Variants in SLC27A4 observed in about 807,000 individuals in gnomAD.
The protein encoded by SLC27A4 is solute carrier family 27 member 4, also known as long-chain fatty acid transport protein 4.
Under a neutral mutation model 64.4 loss-of-function variants are expected in SLC27A4, and 33 were observed. That is an observed-to-expected ratio of 0.51 (90% CI 0.39 to 0.68). The LOEUF is 0.68. Ranked by LOEUF, SLC27A4 falls within the 30% of genes least tolerant of loss-of-function variation. The pLI, the probability that SLC27A4 is intolerant of heterozygous loss-of-function variation, is 0.00. For synonymous variants in SLC27A4, 377 were observed against 370.0 expected (o/e 1.02, Z -0.22); for missense variants, 824 against 883.5 (o/e 0.93, Z 0.85).
At chr9:128,350,274 A>T (rs1320178957) in intron 4 of SLC27A4, 38 bp from the exon 5 acceptor site, 1 of 1,591,600 alleles carries the variant, frequency 6.3e-7, no homozygotes, top group South Asian at 1.1e-5. Context: ...CCCAGCCCTG[A>T]GCTGCCCCCG....
Position 128,353,610 on chromosome 9 carries a change from G to C in SLC27A4, c.1324+69G>C. ...GGAAGGAGGCCAGGCGCGTGTGGATGGGGAGCCTTGTTCTGACCAGTGGCC... is the reference window on the plus strand; with the variant it reads ...GGAAGGAGGCCAGGCGCGTGTGGATCGGGAGCCTTGTTCTGACCAGTGGCC... On this transcript the variant is annotated intron_variant, in intron 9 of 12. Transcript: ENST00000300456. This position sits in a 1 kb window ranked among gnomAD's most constrained non-coding sequence, Gnocchi z 4.9. 2 of 1,559,906 alleles carry C rather than the reference G, an allele frequency of 1.3e-6. No homozygotes were observed. Among genetic ancestry groups the C allele is most frequent in the South Asian group, 2.3e-5 (2 of 86,474 alleles).
intron 1 of SLC27A4, chr9:128,342,297 G>A (rs1439218058): frequency 6.2e-7 from 1 of 1,611,724 alleles, no homozygotes; most frequent in Middle Eastern, 2.2e-4. Flanking sequence ...AGAAGACAGA[G>A]ATGCAAGAGA....
intron 12 of SLC27A4, among the ~76,000 whole-genome samples, chr9:128,359,317 C>T (rs539961229): frequency 1.2e-4 from 19 of 152,096 alleles, no homozygotes; most frequent in Non-Finnish European, 2.6e-4. Context: ...GGCGAAACCC[C>T]ATCTCTACAA....
chr9:128,340,911 C>T (rs1467593078), intron 1 of SLC27A4, 73 bp downstream of exon 1: 7 of 523,982 alleles, frequency 1.3e-5, no homozygotes, highest in Middle Eastern at 5.0e-4. Context: ...GGTGGCGGTG[C>T]GGACCCCAGG....
rs758945421 is a variant in SLC27A4, at chr9:128,353,225, C to T, written c.1188C>T (p.Phe396=). 14 of 1,613,866 alleles carry T rather than the reference C, an allele frequency of 8.7e-6. No homozygotes were observed. Among genetic ancestry groups the T allele is most frequent in the South Asian group, 2.2e-5 (2 of 91,076 alleles). ...AGTGCAACTGTAGCCTGGGCAACTT[C>T]GACAGCCAGGTGCGGCCAGGTTGGG... ...ATECNCSLGN[F]DSQVGACGFN... Residue 396 remains phenylalanine (F), a synonymous_variant, in exon 8 of 13, where the codon TTC becomes TTT. Transcript: ENST00000300456. This position sits in a 1 kb window ranked among gnomAD's most constrained non-coding sequence, Gnocchi z 4.9.
chr9:128,358,453 T>C (rs1832851198), intron 12 of SLC27A4, among the ~76,000 whole-genome samples: 1 of 152,202 alleles, frequency 6.6e-6, no homozygotes, highest in Non-Finnish European at 1.5e-5. Context: ...TAAATTTATT[T>C]ATTTATTTGA....
rs991052956 is a variant in SLC27A4, at chr9:128,358,294, C to T, written c.1775-2040C>T. ...CACTGTCCAACAGAACTTTCTGCAG[C>T]GATGGAAATGTTCTAGGTTTCTGCT... On this transcript the variant is annotated intron_variant, in intron 12 of 12. Coordinates refer to ENST00000300456, the MANE Select transcript of SLC27A4 (RefSeq NM_005094.4). Among the ~76,000 whole-genome samples, 9 of 152,304 alleles carry T rather than the reference C, an allele frequency of 5.9e-5. No homozygotes were observed. The South Asian group carries it at 1.0e-3, about 18-fold the overall frequency.
At chr9:128,356,937 C>A (rs1832828294) in intron 12 of SLC27A4, among the ~76,000 whole-genome samples, 1 of 151,708 alleles carries the variant, frequency 6.6e-6, no homozygotes, top group Admixed American at 6.6e-5. Flanking sequence ...ACCAAAAATA[C>A]AAAAAAATTA....
chr9:128,354,307 C>G (rs1441630112), intron 9 of SLC27A4, among the ~76,000 whole-genome samples: 1 of 152,104 alleles, frequency 6.6e-6, no homozygotes, highest in Non-Finnish European at 1.5e-5. Context: ...GAGATTTATT[C>G]TGGCTCAGCT....
In SLC27A4 at chr9:128,353,951, G is replaced by T. The variant is rs2131267024; in HGVS notation, c.1324+410G>T. Among the ~76,000 whole-genome samples, 1 of 150,946 alleles carries T rather than the reference G, an allele frequency of 6.6e-6. No homozygotes were observed. The highest frequency in any genetic ancestry group is 2.0e-4 in the East Asian group (1 of 5,128). The stretch of plus-strand genomic sequence containing the variant: ...GTAGAGACGGGGTTTCACCGTTTTA[G>T]CCGGGATGGTCTCGATCTCCTGACC... On this transcript the variant is annotated intron_variant, in intron 9 of 12. Coordinates refer to ENST00000300456, the MANE Select transcript of SLC27A4 (RefSeq NM_005094.4). The surrounding 1 kb of genome is among the most constrained non-coding windows in gnomAD (Gnocchi z 4.9).
chr9:128,356,272 C>T lies in SLC27A4; in HGVS notation c.1774+476C>T, dbSNP rs563466591. 2.0e-5 allele frequency among the ~76,000 whole-genome samples: 3 copies of T among 152,282 alleles called. No individual in the cohort carries two copies. The East Asian group carries it at 5.8e-4, about 29-fold the overall frequency. ...GCTGAGACCTGAATGAAAGGAAGGA[C>T]TTTATGGCGGTGGGAGGCACTCTAG... On this transcript the variant is annotated intron_variant, in intron 12 of 12. Coordinates refer to ENST00000300456, the MANE Select transcript of SLC27A4 (RefSeq NM_005094.4).
rs772808266 is a variant in SLC27A4 at position 128,345,729 on chromosome 9, G to A, written c.556+180G>A. On this transcript the variant is annotated intron_variant, in intron 3 of 12. Coordinates refer to ENST00000300456, the MANE Select transcript of SLC27A4 (RefSeq NM_005094.4). The surrounding 1 kb of genome is among the most constrained non-coding windows in gnomAD (Gnocchi z 4.1). ...CTGGGGAAGGGACTGATTTCTCTGAGCCTCAGTTTCCTCATCCGTCGTTCC... is the reference window on the plus strand; with the variant it reads ...CTGGGGAAGGGACTGATTTCTCTGAACCTCAGTTTCCTCATCCGTCGTTCC... Among the ~76,000 whole-genome samples the A allele has an allele frequency of 6.6e-6, 1 of 152,200 alleles. No individual in the cohort carries two copies. Among genetic ancestry groups the A allele is most frequent in the Non-Finnish European group, 1.5e-5 (1 of 68,026 alleles).
chr9:128,341,154 T>C (rs1832565403), intron 1 of SLC27A4, among the ~76,000 whole-genome samples: 1 of 152,198 alleles, frequency 6.6e-6, no homozygotes, highest in African/African-American at 2.4e-5. Flanking sequence ...TTGAGGACTC[T>C]GGTTCAGTTC....
intron 4 of SLC27A4, among the ~76,000 whole-genome samples, chr9:128,349,394 C>G (rs1255530895): frequency 1.3e-5 from 2 of 152,142 alleles, no homozygotes; most frequent in East Asian, 3.9e-4. Context: ...AGCCATAAAA[C>G]TGGGGACAGT....
rs746552329 is a variant in SLC27A4, at chr9:128,353,001, G to T, written c.988-24G>T. 2 of 1,600,812 alleles carry T rather than the reference G, an allele frequency of 1.2e-6. No individual in the cohort carries two copies. Among genetic ancestry groups the T allele is most frequent in the South Asian group, 2.2e-5 (2 of 89,746 alleles). On this transcript the variant is annotated intron_variant, in intron 7 of 12. Transcript: ENST00000300456. This position sits in a 1 kb window ranked among gnomAD's most constrained non-coding sequence, Gnocchi z 4.9. ...TAGTGAGGGCAGCCTCTGGAGCCTC[G>T]AATCACACCAAGTTCACCCCCAGAT...
At chr9:128,344,794 T>G (rs996663588) in intron 2 of SLC27A4, among the ~76,000 whole-genome samples, 3 of 152,112 alleles carry the variant, frequency 2.0e-5, no homozygotes, top group Non-Finnish European at 4.4e-5. Flanking sequence ...TCTGGAGACC[T>G]AGGAGGTTTC....
chr9:128,343,261 G>T lies in SLC27A4; in HGVS notation c.129G>T (p.Arg43=). 6.2e-7 allele frequency: 1 copy of T among 1,614,118 alleles called. No individual in the cohort carries two copies. The highest frequency in any genetic ancestry group is 8.5e-7 in the Non-Finnish European group (1 of 1,180,026). The change falls in exon 2 of 13, where the codon CGG becomes CGT. Residue 43 remains arginine (R), a synonymous_variant. Transcript: ENST00000300456. ...GATCTGGCGGCTGGCGCTTCATCCG[G>T]GTCTTCATCAAGACCATCAGGCGCG... is the stretch of plus-strand genomic sequence containing the variant. ...YLGSGGWRFI[R]VFIKTIRRDI...
chr9:128,357,261 CAAAAA>C lies in SLC27A4; in HGVS notation c.1774+1482_1774+1486del, dbSNP rs1007585471. Among the ~76,000 whole-genome samples the C allele has an allele frequency of 7.8e-5, 4 of 50,958 alleles. No homozygotes were observed. In the South Asian group the frequency reaches 2.2e-3, roughly 27 times the overall value. 33.4% of individuals were successfully genotyped at this position (50,958 alleles called of 152,430 possible). ...TGGGAGACAGAGTGAGACTCTGTCTCAAAAAAAAAAAAAAAAAAAAATTAGCCGGG... is the reference window on the plus strand; with the variant it reads ...TGGGAGACAGAGTGAGACTCTGTCTCAAAAAAAAAAAAAAAATTAGCCGGG... On this transcript the variant is annotated intron_variant, in intron 12 of 12. Transcript: ENST00000300456.
In SLC27A4 at chr9:128,353,782, C is replaced by T. The variant is rs374027876; in HGVS notation, c.1324+241C>T. 0.097 allele frequency among the ~76,000 whole-genome samples: 11,128 copies of T among 115,084 alleles called. 19 individuals are homozygous for T. The highest frequency in any genetic ancestry group is 0.34 in the African/African-American group (6,697 of 19,886). 75.5% of individuals were successfully genotyped at this position (115,084 alleles called of 152,430 possible). ...TATTTGAGACGGAGTCTCGCTCTGT[C>T]GCCCAGGCTGGAGTGCAGTGGCGGG... On this transcript the variant is annotated intron_variant, in intron 9 of 12. Coordinates refer to ENST00000300456, the MANE Select transcript of SLC27A4 (RefSeq NM_005094.4). The surrounding 1 kb of genome is among the most constrained non-coding windows in gnomAD (Gnocchi z 4.9).
Sources: gnomAD v4.1 joint callset for allele counts (sites outside exome capture counted in the v4.1 genomes callset) on GRCh38, gnomAD v4.1.1 for gene constraint, Gnocchi (gnomAD v3.1) non-coding constraint, MANE v1.5 for transcripts, NCBI Gene and HGNC (gene_info 2026-07-23, HGNC 2026-07-21) for gene names.